Variants in PREX1 observed in about 807,000 individuals in gnomAD.
PREX1 encodes the protein phosphatidylinositol-3,4,5-trisphosphate dependent Rac exchange factor 1.
In PREX1, 41 loss-of-function variants were observed where a neutral mutation model predicts 198.3. The observed-to-expected ratio is 0.21, with a 90% CI of 0.16 to 0.27. The LOEUF is 0.27. Ranked by LOEUF, PREX1 falls within the 10% of genes least tolerant of loss-of-function variation. PREX1 has a pLI of 1.00. For synonymous variants in PREX1, 843 were observed against 887.2 expected (o/e 0.95, Z 0.89); for missense variants, 1,620 against 2,200.7 (o/e 0.74, Z 5.28).
chr20:48,663,889 C>G (rs73326953), intron 15 of PREX1, among the ~76,000 whole-genome samples: 2,888 of 150,520 alleles, frequency 0.019, 98 homozygotes, highest in African/African-American at 0.07. Flanking sequence ...TGTGTGCACA[C>G]ACATACAAGT....
chr20:48,759,499 G>A (rs548691755), intron 1 of PREX1, among the ~76,000 whole-genome samples: 1 of 126,916 alleles, frequency 7.9e-6, no homozygotes, highest in East Asian at 2.4e-4. Context: ...ACAATGAACT[G>A]AAATCGCACC....
Position 48,639,898 on chromosome 20 carries a change from G to T in PREX1, c.3776-4C>A. On this transcript the variant is annotated splice_region_variant and splice_polypyrimidine_tract_variant and intron_variant, in intron 29 of 39. Coordinates refer to ENST00000371941, the MANE Select transcript of PREX1 (RefSeq NM_020820.4). ...CACTCTTCTTTCTGTTTAAACTCTG[G>T]GGCAGGAAAGTGGCATGAGGGCCAG... 6.2e-7 allele frequency: 1 copy of T among 1,613,768 alleles called. No individual in the cohort carries two copies. The highest frequency in any genetic ancestry group is 8.5e-7 in the Non-Finnish European group (1 of 1,179,822).
intron 3 of PREX1, among the ~76,000 whole-genome samples, chr20:48,736,069 C>T (rs1015717300): frequency 5.3e-5 from 8 of 152,196 alleles, no homozygotes; most frequent in Non-Finnish European, 1.0e-4. Context: ...GACATCATAA[C>T]TGACCTTCAA....
At chr20:48,748,045 A>C (rs2090117369) in intron 1 of PREX1, among the ~76,000 whole-genome samples, 165 bp from the exon 2 acceptor site, 1 of 152,040 alleles carries the variant, frequency 6.6e-6, no homozygotes, top group East Asian at 1.9e-4. Flanking sequence ...CTTACACCTT[A>C]AACACACTGG....
intron 1 of PREX1, among the ~76,000 whole-genome samples, chr20:48,806,392 G>A (rs565654070): frequency 6.6e-6 from 1 of 152,244 alleles, no homozygotes; most frequent in South Asian, 2.1e-4. Flanking sequence ...ATTACATACA[G>A]GTCTGCCCCA....
intron 1 of PREX1, among the ~76,000 whole-genome samples, chr20:48,815,373 T>C (rs1325906781): frequency 2.6e-5 from 4 of 152,238 alleles, no homozygotes; most frequent in African/African-American, 9.6e-5. Flanking sequence ...TAAGGTAGAC[T>C]ATCTGCTGGG....
intron 7 of PREX1, among the ~76,000 whole-genome samples, chr20:48,695,651 T>A (rs559225359): frequency 5.7e-4 from 87 of 152,330 alleles, no homozygotes; most frequent in African/African-American, 2.0e-3. Flanking sequence ...AATTTGTAGT[T>A]CCCTGATGAG....
the PREX1 span, among the ~76,000 whole-genome samples, chr20:48,856,285 G>A: frequency 6.6e-6 from 1 of 152,248 alleles, no homozygotes; most frequent in Non-Finnish European, 1.5e-5. Context: ...GGAGGTAATG[G>A]ATGGGAAATT....
chr20:48,862,919 T>C, the PREX1 span, among the ~76,000 whole-genome samples: 2 of 150,854 alleles, frequency 1.3e-5, no homozygotes. Context: ...ACTTCTAGGC[T>C]CAAACGATCC....
chr20:48,786,865 G>C (rs982378058), intron 1 of PREX1, among the ~76,000 whole-genome samples: 3 of 151,846 alleles, frequency 2.0e-5, no homozygotes. Flanking sequence ...AAGAGAAAGA[G>C]AGAGGAGGGT....
chr20:48,703,795 A>G lies in PREX1; in HGVS notation c.784-2909T>C, dbSNP rs561525416. Among the ~76,000 whole-genome samples the G allele has an allele frequency of 2.0e-5, 3 of 152,222 alleles. No individual in the cohort carries two copies. In the South Asian group the frequency reaches 6.2e-4, roughly 32 times the overall value. On this transcript the variant is annotated intron_variant, in intron 6 of 39. Transcript: ENST00000371941. ...GCACCACCTGGCAAACTGCAGCTGA[A>G]ATGCCGAGCACACTACAGGGGGATA...
At chr20:48,808,607 T>A (rs542773821) in intron 1 of PREX1, among the ~76,000 whole-genome samples, 1 of 152,260 alleles carries the variant, frequency 6.6e-6, no homozygotes, top group African/African-American at 2.4e-5. Context: ...CTGCCCCTCC[T>A]CTGCTGAAAC....
chr20:48,659,999 TCTC>T lies in PREX1; in HGVS notation c.1798_1800del (p.Glu600del). ...TTGTTCTTGCTGCTGGTCCCCTCCA[TCTC>T]CTCGTCAGCATGAAAGCGGAAGTAC... is the stretch of plus-strand genomic sequence containing the variant. On this transcript the variant is annotated inframe_deletion, in exon 16 of 40. Transcript: ENST00000371941. 1.2e-6 allele frequency: 2 copies of T among 1,614,164 alleles called. No individual in the cohort carries two copies. The highest frequency in any genetic ancestry group is 1.7e-6 in the Non-Finnish European group (2 of 1,180,042).
intron 7 of PREX1, among the ~76,000 whole-genome samples, chr20:48,694,619 G>A (rs12479702): frequency 0.15 from 23,396 of 152,272 alleles, 2,170 homozygotes; most frequent in Middle Eastern, 0.28. Context: ...TCCAGCAGGT[G>A]GGCTGTATGC....
At chr20:48,728,388 G>C (rs955502140) in intron 4 of PREX1, among the ~76,000 whole-genome samples, 1 of 152,248 alleles carries the variant, frequency 6.6e-6, no homozygotes, top group Non-Finnish European at 1.5e-5. Flanking sequence ...GGAAATCGTG[G>C]CACGAAGAGC....
chr20:48,767,718 A>C (rs2426092), intron 1 of PREX1, among the ~76,000 whole-genome samples: 62,409 of 151,680 alleles, frequency 0.41, 13,162 homozygotes, highest in Admixed American at 0.46. Flanking sequence ...TGCAGCCCCA[A>C]TGCCTAGTCT....
the PREX1 span, among the ~76,000 whole-genome samples, chr20:48,880,863 G>A: frequency 3.3e-5 from 5 of 151,512 alleles, no homozygotes; most frequent in Admixed American, 3.3e-4. Flanking sequence ...CCTACTATAA[G>A]GACCTTTAAG....
intron 1 of PREX1, among the ~76,000 whole-genome samples, chr20:48,808,284 G>A (rs537190429): frequency 1.3e-5 from 2 of 152,246 alleles, no homozygotes; most frequent in South Asian, 4.1e-4. Flanking sequence ...GCTGTGCCAG[G>A]CACTCCGGGA....
Position 48,650,222 on chromosome 20 carries a change from C to T in PREX1, c.2818-16G>A. Reference sequence around the variant, plus strand: ...GGGCTGCAAACTGAGAAAGTGGAGGCCGTAAGGTCGTGAATCACAGGGCAG... The same window carrying T: ...GGGCTGCAAACTGAGAAAGTGGAGGTCGTAAGGTCGTGAATCACAGGGCAG... On this transcript the variant is annotated splice_polypyrimidine_tract_variant and intron_variant, in intron 23 of 39. Coordinates refer to ENST00000371941, the MANE Select transcript of PREX1 (RefSeq NM_020820.4). 2 of 1,597,494 alleles carry T rather than the reference C, an allele frequency of 1.3e-6. No individual in the cohort carries two copies. Among genetic ancestry groups the T allele is most frequent in the African/African-American group, 2.7e-5 (2 of 74,620 alleles).
Sources: allele counts gnomAD v4.1 joint callset (sites outside exome capture counted in the v4.1 genomes callset), GRCh38; gene constraint gnomAD v4.1.1; transcripts MANE v1.5; gene names NCBI Gene and HGNC (gene_info 2026-07-23, HGNC 2026-07-21).